The following OTOL1 variants were observed in gnomAD, a reference collection of about 807,000 sequenced individuals.
OTOL1 encodes the protein otolin 1.
In OTOL1, 31 loss-of-function variants were observed where a neutral mutation model predicts 25.0. That is an observed-to-expected ratio of 1.24 (90% CI 0.93 to 1.67). The LOEUF (loss-of-function observed/expected upper bound fraction) is 1.67. Among genes scored for constraint, OTOL1 ranks in the 40% most tolerant of loss-of-function variants. OTOL1 has a pLI of 0.00. For missense variants in OTOL1, 654 were observed against 587.7 expected (o/e 1.11, Z -1.17); for synonymous variants, 225 against 210.3 (o/e 1.07, Z -0.61).
intron 2 of OTOL1, among the ~76,000 whole-genome samples, chr3:161,500,162 C>T (rs1718940184): frequency 6.6e-6 from 1 of 152,184 alleles, no homozygotes; most frequent in African/African-American, 2.4e-5. Flanking sequence ...ATATATCACC[C>T]TCCACATGGC....
intron 1 of OTOL1, among the ~76,000 whole-genome samples, 158 bp downstream of exon 1, chr3:161,497,329 T>A (rs1560141983): frequency 6.6e-6 from 1 of 152,132 alleles, no homozygotes. Context: ...GGTGCTGTGT[T>A]GCCCAATGTG....
chr3:161,500,245 G>C (rs949542392), intron 2 of OTOL1, among the ~76,000 whole-genome samples: 1 of 152,134 alleles, frequency 6.6e-6, no homozygotes, highest in Non-Finnish European at 1.5e-5. Flanking sequence ...TAAGGGAAGA[G>C]AGAGCTACTT....
intron 1 of OTOL1, among the ~76,000 whole-genome samples, chr3:161,498,061 T>A (rs970313628): frequency 6.6e-6 from 1 of 152,116 alleles, no homozygotes; most frequent in African/African-American, 2.4e-5. Context: ...CAGAGCTGCA[T>A]TAAGGAGTAA....
rs557526268 is a variant in OTOL1, at chr3:161,502,937, T to G, written c.518-89T>G. 3.9e-6 allele frequency: 4 copies of G among 1,023,494 alleles called. No individual in the cohort carries two copies. In the East Asian group the frequency reaches 9.4e-5, roughly 24 times the overall value. 63.4% of individuals were successfully genotyped at this position (1,023,494 alleles called of 1,614,324 possible). On this transcript the variant is annotated intron_variant, in intron 3 of 3. Transcript: ENST00000327928. Reference sequence around the variant, plus strand: ...AGAATCAGGTTTCCTAATTAGTAGGTTTGTTTCTACTTTTTTGAGCTCTGT... The same window carrying G: ...AGAATCAGGTTTCCTAATTAGTAGGGTTGTTTCTACTTTTTTGAGCTCTGT...
intron 1 of OTOL1, 21 bp downstream of exon 1, chr3:161,497,192 T>C: frequency 6.3e-7 from 1 of 1,587,328 alleles, no homozygotes; most frequent in Non-Finnish European, 8.6e-7. Context: ...ATATAAGAAG[T>C]CATGTTTCTC....
At chr3:161,497,301 T>C (rs1180523111) in intron 1 of OTOL1, 130 bp downstream of exon 1, 20 of 1,068,904 alleles carry the variant, frequency 1.9e-5, no homozygotes, top group East Asian at 5.0e-5. Flanking sequence ...AGGTGTCACA[T>C]TGTTACAAAT....
In OTOL1 at chr3:161,503,703, C is replaced by G; in HGVS notation, c.1195C>G (p.Arg399Gly). 6.2e-7 allele frequency: 1 copy of G among 1,613,476 alleles called. No homozygotes were observed. The highest frequency in any genetic ancestry group is 8.5e-7 in the Non-Finnish European group (1 of 1,179,694). ...TTCCTACCATATTACGGTGAGGGGGCGACCTGCTCGAATCAGTCTGGTGGC... is the reference window on the plus strand; with the variant it reads ...TTCCTACCATATTACGGTGAGGGGGGGACCTGCTCGAATCAGTCTGGTGGC... ...VFSYHITVRG[R>G]PARISLVAQN... The change falls in exon 4 of 4, where the codon CGA becomes GGA. Residue 399 changes from arginine to glycine, a missense_variant. Coordinates refer to ENST00000327928, the MANE Select transcript of OTOL1 (RefSeq NM_001080440.1).
Position 161,503,840 on chromosome 3 carries a change from G to C in OTOL1, c.1332G>C (p.Glu444Asp), listed in dbSNP as rs555653806. The change falls in exon 4 of 4, where the codon GAG (glutamate) becomes GAC (aspartate). Residue 444 changes from glutamate to aspartate, a missense_variant. Physicochemically the swap from Glu to Asp is conservative, Grantham distance 45. Coordinates refer to ENST00000327928, the MANE Select transcript of OTOL1 (RefSeq NM_001080440.1). ...KLSAGDQVWL[E>D]VSKDWNGVYV... ...GTGCAGGAGACCAAGTCTGGCTTGA[G>C]GTGTCAAAAGATTGGAATGGGGTGT... 2.5e-6 allele frequency: 4 copies of C among 1,613,780 alleles called. No individual in the cohort carries two copies. Among genetic ancestry groups the C allele is most frequent in the Non-Finnish European group, 3.4e-6 (4 of 1,179,882 alleles).
At position 161,502,314 on chromosome 3, in the gene OTOL1, A is replaced by G. The variant is rs769957439; in HGVS notation, c.462A>G (p.Lys154=). Residue 154 remains lysine, a synonymous_variant, in exon 3 of 4, where the codon AAA becomes AAG. Transcript: ENST00000327928. ...ATCTTGGTATCATCTTAGGACTCAA[A>G]GGAGAACGTGGGGACCAAGGAGTTC... is the stretch of plus-strand genomic sequence containing the variant. ...PRGYKGEKGL[K]GERGDQGVPG... is the part of the protein sequence containing the mutation. 1.2e-6 allele frequency: 2 copies of G among 1,613,108 alleles called. No individual in the cohort carries two copies. Among genetic ancestry groups the G allele is most frequent in the Non-Finnish European group, 1.7e-6 (2 of 1,179,460 alleles).
chr3:161,502,079 G>T (rs1718986910), intron 2 of OTOL1, among the ~76,000 whole-genome samples: 1 of 152,196 alleles, frequency 6.6e-6, no homozygotes, highest in African/African-American at 2.4e-5. Context: ...TGTTGGCCAG[G>T]CTGGCCTGGA....
rs767531481 is a variant in OTOL1, at chr3:161,496,992, T to A, written c.185T>A (p.Met62Lys). The A allele has an allele frequency of 3.7e-6, 6 of 1,613,616 alleles. No homozygotes were observed. The South Asian group carries it at 5.5e-5, about 15-fold the overall frequency. The part of the protein sequence containing the change: ...PEEEETLFTE[M>K]AEMAEPITKP... Reference sequence around the variant, plus strand: ...GAAGAAGAAACCCTCTTCACAGAAATGGCTGAAATGGCAGAACCAATTACC... The same window carrying A: ...GAAGAAGAAACCCTCTTCACAGAAAAGGCTGAAATGGCAGAACCAATTACC... The change falls in exon 1 of 4, where the codon ATG (methionine) becomes AAG (lysine). Residue 62 changes from methionine (M) to lysine (K), a missense_variant. Met to Lys is a moderately conservative substitution (Grantham distance 95). Coordinates refer to ENST00000327928, the MANE Select transcript of OTOL1 (RefSeq NM_001080440.1).
Position 161,503,733 on chromosome 3 carries a change from A to C in OTOL1, c.1225A>C (p.Asn409His), listed in dbSNP as rs754847271. 3 of 1,613,898 alleles carry C rather than the reference A, an allele frequency of 1.9e-6. No homozygotes were observed. The South Asian group carries it at 3.3e-5, about 18-fold the overall frequency. ...TGCTCGAATCAGTCTGGTGGCCCAG[A>C]ATAAGAAGCAGTTCAAGTCCAGAGA... ...RPARISLVAQNKKQFKSRETL... is the reference protein window; with the variant it reads ...RPARISLVAQHKKQFKSRETL... Residue 409 changes from asparagine to histidine, a missense_variant, in exon 4 of 4, where the codon AAT becomes CAT. Asn to His is a moderately conservative substitution (Grantham distance 68). Transcript: ENST00000327928.
Position 161,500,626 on chromosome 3 carries a change from G to A in OTOL1, c.454+1366G>A, listed in dbSNP as rs541559566. Among the ~76,000 whole-genome samples the A allele has an allele frequency of 5.3e-5, 8 of 152,284 alleles. No individual in the cohort carries two copies. The East Asian group carries it at 1.5e-3, about 29-fold the overall frequency. Reference sequence around the variant, plus strand: ...AATCATTACCTGGTTGAGTAAATTAGGGGAAGCAATTAAACTCTTTCGAGG... The same window carrying A: ...AATCATTACCTGGTTGAGTAAATTAAGGGAAGCAATTAAACTCTTTCGAGG... On this transcript the variant is annotated intron_variant, in intron 2 of 3. Coordinates refer to ENST00000327928, the MANE Select transcript of OTOL1 (RefSeq NM_001080440.1).
At chr3:161,497,954 T>G (rs1229177256) in intron 1 of OTOL1, among the ~76,000 whole-genome samples, 1 of 152,162 alleles carries the variant, frequency 6.6e-6, no homozygotes. Flanking sequence ...CTGAGGAATT[T>G]AATGTTATAA....
intron 2 of OTOL1, 79 bp from the exon 3 acceptor site, chr3:161,502,228 G>T (rs1455602810): frequency 1.3e-5 from 17 of 1,307,932 alleles, no homozygotes; most frequent in Non-Finnish European, 1.7e-5. Context: ...ACACTAGAAT[G>T]TGACATGGTT....
chr3:161,502,185 C>A (rs935857576), intron 2 of OTOL1, 122 bp from the exon 3 acceptor site: 2 of 875,334 alleles, frequency 2.3e-6, no homozygotes, highest in Non-Finnish European at 1.8e-6. Context: ...TTTTTCCACA[C>A]GATTTAACTT....
At chr3:161,497,348 T>A (rs757332164) in intron 1 of OTOL1, among the ~76,000 whole-genome samples, 177 bp downstream of exon 1, 8 of 152,102 alleles carry the variant, frequency 5.3e-5, no homozygotes, top group Non-Finnish European at 1.0e-4. Flanking sequence ...TGGTAATTAA[T>A]AAATATTAAA....
In OTOL1 at chr3:161,503,764, T is replaced by G; in HGVS notation, c.1256T>G (p.Leu419Arg). ...AAGCAGTTCAAGTCCAGAGAAACTCTCTATGGTCAGGAAATAGACCAGGCC... is the reference window on the plus strand; with the variant it reads ...AAGCAGTTCAAGTCCAGAGAAACTCGCTATGGTCAGGAAATAGACCAGGCC... Reference protein sequence around the residue: ...NKKQFKSRETLYGQEIDQASL... With the variant: ...NKKQFKSRETRYGQEIDQASL... Residue 419 changes from leucine (L) to arginine (R), a missense_variant, in exon 4 of 4, where the codon CTC (leucine) becomes CGC (arginine). Leu to Arg is a moderately radical substitution (Grantham distance 102). Coordinates refer to ENST00000327928, the MANE Select transcript of OTOL1 (RefSeq NM_001080440.1). 3 of 1,613,884 alleles carry G rather than the reference T, an allele frequency of 1.9e-6. No individual in the cohort carries two copies. Among genetic ancestry groups the G allele is most frequent in the Admixed American group, 3.3e-5 (2 of 60,024 alleles).
At chr3:161,499,095 C>A in intron 1 of OTOL1, 76 bp from the exon 2 acceptor site, 4 of 1,182,018 alleles carry the variant, frequency 3.4e-6, no homozygotes, top group Non-Finnish European at 4.9e-6. Flanking sequence ...CAGTAAAATG[C>A]TTTTTTTCTT....
Sources: gnomAD v4.1 joint callset for allele counts (sites outside exome capture counted in the v4.1 genomes callset) on GRCh38, gnomAD v4.1.1 for gene constraint, MANE v1.5 for transcripts, NCBI Gene and HGNC (gene_info 2026-07-23, HGNC 2026-07-21) for gene names.